Variants in SLA observed in about 807,000 individuals in gnomAD.
SLA encodes the protein Src like adaptor, also known as src-like-adapter.
A neutral mutation model predicts 30.3 loss-of-function variants in SLA; 16 were observed. The ratio of observed to expected loss-of-function variants is 0.53; its 90% CI spans 0.36 to 0.80. The LOEUF (loss-of-function observed/expected upper bound fraction) is 0.80, where lower values mean the gene tolerates loss of function less well. SLA is among the 30% of genes least tolerant of loss of function. The pLI is 0.01. For missense variants in SLA, 310 were observed against 345.2 expected (o/e 0.90, Z 0.81); for synonymous variants, 143 against 137.8 (o/e 1.04, Z -0.26).
chr8:133,061,679 AC>A (rs1354859266), intron 2 of SLA, among the ~76,000 whole-genome samples: 6 of 152,202 alleles, frequency 3.9e-5, no homozygotes, highest in Non-Finnish European at 8.8e-5. Flanking sequence ...CCAAATGGAA[AC>A]TAATCTCCCA....
intron 1 of SLA, among the ~76,000 whole-genome samples, chr8:133,100,906 G>T (rs976040446): frequency 6.6e-6 from 1 of 152,024 alleles, no homozygotes; most frequent in African/African-American, 2.4e-5. Context: ...CTTACTTTAC[G>T]TTATCTCAAC....
At chr8:133,091,677 T>C (rs1847559780) in intron 1 of SLA, among the ~76,000 whole-genome samples, 1 of 152,086 alleles carries the variant, frequency 6.6e-6, no homozygotes, top group African/African-American at 2.4e-5. Flanking sequence ...CGTGTGTGTC[T>C]CTGTGACTGT....
At chr8:133,091,702 CCTT>C (rs1413528229) in intron 1 of SLA, among the ~76,000 whole-genome samples, 1 of 151,126 alleles carries the variant, frequency 6.6e-6, no homozygotes. Context: ...GTTTGTGTGT[CCTT>C]CTGCACTTAT....
intron 2 of SLA, among the ~76,000 whole-genome samples, chr8:133,073,573 C>T (rs1235321090): frequency 6.6e-6 from 1 of 152,154 alleles, no homozygotes; most frequent in East Asian, 1.9e-4. Context: ...CTATTAGTTG[C>T]AACAAATTTG....
chr8:133,056,075 C>T (rs777729496), intron 3 of SLA, among the ~76,000 whole-genome samples: 9 of 152,168 alleles, frequency 5.9e-5, no homozygotes, highest in African/African-American at 9.7e-5. Flanking sequence ...CCAGGTCTCC[C>T]TGGGCAGGGC....
At chr8:133,075,777 T>C (rs1031651165) in intron 1 of SLA, among the ~76,000 whole-genome samples, 1 of 151,940 alleles carries the variant, frequency 6.6e-6, no homozygotes, top group Admixed American at 6.6e-5. Context: ...TACATCTACA[T>C]CTATATATCA....
At chr8:133,063,193 T>C (rs1414980954) in intron 2 of SLA, among the ~76,000 whole-genome samples, 1 of 152,130 alleles carries the variant, frequency 6.6e-6, no homozygotes, top group South Asian at 2.1e-4. Flanking sequence ...TCATCAACTG[T>C]CATTCAACAC....
chr8:133,046,624 G>A (rs1324122370), intron 6 of SLA: 1 of 152,234 alleles, frequency 6.6e-6, no homozygotes, highest in African/African-American at 2.4e-5. Flanking sequence ...TTTTAGATGA[G>A]TTACGACACC....
chr8:133,093,614 A>G lies in SLA; in HGVS notation c.-319+8939T>C, dbSNP rs537030219. Reference sequence around the variant, plus strand: ...CAGCGGCCGTGTCCAGGATCCCCCAATTCCATGCACTTGTGTTTTTCCTTG... The same window carrying G: ...CAGCGGCCGTGTCCAGGATCCCCCAGTTCCATGCACTTGTGTTTTTCCTTG... On this transcript the variant is annotated intron_variant, in intron 1 of 8. Transcript: ENST00000338087. 1.6e-4 allele frequency among the ~76,000 whole-genome samples: 25 copies of G among 152,142 alleles called. No homozygotes were observed. The East Asian group carries it at 2.5e-3, about 15-fold the overall frequency.
At chr8:133,044,661 G>A (rs1195426442) in intron 7 of SLA, among the ~76,000 whole-genome samples, 1 of 152,122 alleles carries the variant, frequency 6.6e-6, no homozygotes, top group African/African-American at 2.4e-5. Flanking sequence ...CTATAACAAA[G>A]CCCCAGAGGC....
chr8:133,096,019 T>C (rs1266890871), intron 1 of SLA, among the ~76,000 whole-genome samples: 2 of 152,196 alleles, frequency 1.3e-5, no homozygotes. Flanking sequence ...GAGAGTGAGA[T>C]TCATTCACCC....
At position 133,067,885 on chromosome 8, in the gene SLA, AGT is replaced by A. The variant is rs1843287927; in HGVS notation, c.-41+6966_-41+6967del. On this transcript the variant is annotated intron_variant, in intron 2 of 8. Transcript: ENST00000338087. ...AAGAAAGAAAGGAAGGAAGGAAGGAAGTATGTATGGAAGGAAGGAAGGAAGGA... is the reference window on the plus strand; with the variant it reads ...AAGAAAGAAAGGAAGGAAGGAAGGAAATGTATGGAAGGAAGGAAGGAAGGA... Among the ~76,000 whole-genome samples, 5 of 131,668 alleles carry A rather than the reference AGT, an allele frequency of 3.8e-5. No homozygotes were observed. The South Asian group carries it at 1.3e-3, about 33-fold the overall frequency. 86.4% of individuals were successfully genotyped at this position (131,668 alleles called of 152,430 possible).
chr8:133,049,639 C>T (rs1000760185), intron 5 of SLA: 1 of 459,306 alleles, frequency 2.2e-6, no homozygotes, highest in African/African-American at 2.0e-5. Flanking sequence ...AGCTGTTTAC[C>T]ACTCTGTGCC....
At chr8:133,050,253 A>G in intron 4 of SLA, 1 of 508,604 alleles carries the variant, frequency 2.0e-6, no homozygotes, top group Admixed American at 3.2e-5. Context: ...TTAGCAGCTA[A>G]TGTTCCCAAC....
chr8:133,067,515 C>G (rs1344560744), intron 2 of SLA, among the ~76,000 whole-genome samples: 4 of 152,144 alleles, frequency 2.6e-5, no homozygotes, highest in African/African-American at 9.7e-5. Context: ...ATTTCAAACA[C>G]CTGGAATCCC....
chr8:133,040,206 T>C, intron 7 of SLA, 76 bp from the exon 8 acceptor site: 1 of 1,476,176 alleles, frequency 6.8e-7, no homozygotes, highest in South Asian at 1.2e-5. Context: ...CCTGAGACAC[T>C]CTCCAGTGCA....
chr8:133,077,026 G>C (rs1191690402), intron 1 of SLA, among the ~76,000 whole-genome samples: 1 of 152,140 alleles, frequency 6.6e-6, no homozygotes, highest in African/African-American at 2.4e-5. Flanking sequence ...TGGGTTGATG[G>C]GACCGAGGGG....
At chr8:133,060,376 G>A in intron 2 of SLA, 176 bp from the exon 3 acceptor site, 1 of 1,529,590 alleles carries the variant, frequency 6.5e-7, no homozygotes. Context: ...CGCAGCTCAA[G>A]TTCTTTTATC....
intron 2 of SLA, among the ~76,000 whole-genome samples, chr8:133,060,626 TGAG>T (rs1842235301): frequency 6.6e-6 from 1 of 152,172 alleles, no homozygotes. Context: ...ACCAAAGGCA[TGAG>T]GAGAAGGTAC....
Sources: gnomAD v4.1 joint callset for allele counts (sites outside exome capture counted in the v4.1 genomes callset) on GRCh38, gnomAD v4.1.1 for gene constraint, MANE v1.5 for transcripts, NCBI Gene and HGNC (gene_info 2026-07-23, HGNC 2026-07-21) for gene names.